The following DMD variants were observed in gnomAD, a reference collection of about 807,000 sequenced individuals.
DMD encodes dystrophin, also known as mutant dystrophin.
Under a neutral mutation model 330.1 loss-of-function variants are expected in DMD, and 63 were observed. That is an observed-to-expected ratio of 0.19 (90% CI 0.16 to 0.24). The LOEUF (loss-of-function observed/expected upper bound fraction) is 0.24, where lower values mean the gene tolerates loss of function less well. Ranked by LOEUF, DMD falls within the 10% of genes least tolerant of loss-of-function variation. The pLI is 1.00. For synonymous variants in DMD, 1,223 were observed against 959.8 expected (o/e 1.27, Z -5.07); for missense variants, 3,344 against 2,684.1 (o/e 1.25, Z -5.43).
At chrX:32,204,866 T>A (rs1477712035) in intron 44 of DMD, among the ~76,000 whole-genome samples, 3 of 107,208 alleles carry the variant, frequency 2.8e-5, no homozygotes, top group Non-Finnish European at 5.8e-5. Flanking sequence ...ACCAAAGGGA[T>A]CATTCATGAA....
At chrX:32,523,228 CA>C (rs1317383930) in intron 17 of DMD, among the ~76,000 whole-genome samples, 1 of 111,180 alleles carries the variant, frequency 9.0e-6, no homozygotes, top group Non-Finnish European at 1.9e-5. Context: ...TGGAAGGCCT[CA>C]AAAGCAGCCT....
At chrX:32,304,080 T>C (rs1409979903) in intron 42 of DMD, among the ~76,000 whole-genome samples, 1 of 111,632 alleles carries the variant, frequency 9.0e-6, no homozygotes, top group Non-Finnish European at 1.9e-5. Context: ...CAAAATATTC[T>C]TCATAGGATG....
At chrX:32,177,769 C>T (rs952447408) in intron 44 of DMD, among the ~76,000 whole-genome samples, 2 of 110,707 alleles carry the variant, frequency 1.8e-5, no homozygotes, top group Non-Finnish European at 3.8e-5. Context: ...AATAATAATA[C>T]TAATTACTGA....
chrX:31,584,513 G>A (rs770365227), intron 55 of DMD, among the ~76,000 whole-genome samples: 4 of 111,757 alleles, frequency 3.6e-5, no homozygotes, highest in Non-Finnish European at 3.8e-5. Flanking sequence ...ACATGCACAC[G>A]TATGTTCACT....
chrX:31,755,211 A>G (rs5927839), intron 51 of DMD, among the ~76,000 whole-genome samples: 14,931 of 111,121 alleles, frequency 0.13, 886 homozygotes, highest in East Asian at 0.25. Flanking sequence ...TTCACTTATG[A>G]GATTAGTGTT....
chrX:32,085,287 T>C (rs779584689), intron 44 of DMD, among the ~76,000 whole-genome samples: 3 of 110,509 alleles, frequency 2.7e-5, no homozygotes, highest in African/African-American at 9.8e-5. Context: ...TTTATTTTTA[T>C]TTAAATAATT....
chrX:31,899,313 C>T (rs1054047456), intron 47 of DMD, among the ~76,000 whole-genome samples: 2 of 103,059 alleles, frequency 1.9e-5, no homozygotes, highest in South Asian at 4.1e-4. Context: ...CTTCAACTGA[C>T]GATCTAGTCT....
intron 2 of DMD, among the ~76,000 whole-genome samples, chrX:32,853,678 A>C (rs1194719032): frequency 1.8e-5 from 2 of 109,430 alleles, no homozygotes. Flanking sequence ...GAAAGCCACA[A>C]AACAACCAGA....
chrX:31,784,137 G>A (rs1752094790), intron 50 of DMD, among the ~76,000 whole-genome samples: 1 of 112,009 alleles, frequency 8.9e-6, no homozygotes, highest in Non-Finnish European at 1.9e-5. Flanking sequence ...TAATTAATAA[G>A]GAATTCACCA....
intron 54 of DMD, among the ~76,000 whole-genome samples, chrX:31,633,393 C>T (rs1010663546): frequency 1.8e-5 from 2 of 111,834 alleles, no homozygotes. Flanking sequence ...ATTCTTATTT[C>T]CACATGCCTA....
intron 52 of DMD, among the ~76,000 whole-genome samples, chrX:31,728,148 A>C (rs756583299): frequency 9.0e-6 from 1 of 111,155 alleles, no homozygotes; most frequent in African/African-American, 3.3e-5. Flanking sequence ...TCAGCCTCCC[A>C]AGTAGCTGGG....
At chrX:32,501,647 A>G in intron 19 of DMD, 108 bp downstream of exon 19, 2 of 584,350 alleles carry the variant, frequency 3.4e-6, no homozygotes, top group Non-Finnish European at 5.7e-6. Flanking sequence ...CTTTTAATTT[A>G]AATTTGTATT....
rs756284528 is a variant in DMD at position 32,614,463 on chromosome X, T to G, written c.1332-10A>C. On this transcript the variant is annotated splice_polypyrimidine_tract_variant and intron_variant, in intron 11 of 78. Coordinates refer to ENST00000357033, the MANE Select transcript of DMD (RefSeq NM_004006.3). ...TAAAACTCTATGTAAACTGAAAATT[T>G]GAAAGAAGCCTATTATGACCTCTTT... The G allele has an allele frequency of 1.7e-6, 2 of 1,197,165 alleles. No homozygotes were observed. Among genetic ancestry groups the G allele is most frequent in the Admixed American group, 2.2e-5 (1 of 45,610 alleles).
chrX:32,515,113 A>T (rs2045729175), intron 18 of DMD, among the ~76,000 whole-genome samples: 1 of 111,763 alleles, frequency 8.9e-6, no homozygotes, highest in Admixed American at 9.5e-5. Flanking sequence ...GGGATGAGTC[A>T]TAGTGCTGTT....
chrX:32,807,900 C>G (rs770404029), intron 7 of DMD, among the ~76,000 whole-genome samples: 19 of 111,794 alleles, frequency 1.7e-4, no homozygotes, highest in African/African-American at 5.5e-4. Flanking sequence ...ACAAGAATAA[C>G]TAGAGCATAC....
intron 4 of DMD, among the ~76,000 whole-genome samples, chrX:32,842,241 C>A (rs1190395320): frequency 1.8e-5 from 2 of 112,321 alleles, no homozygotes; most frequent in Admixed American, 9.4e-5. Flanking sequence ...ACTGTCCACA[C>A]TGATTATGTC....
intron 7 of DMD, among the ~76,000 whole-genome samples, chrX:32,760,468 A>G (rs567839187): frequency 7.2e-5 from 8 of 111,868 alleles, no homozygotes; most frequent in African/African-American, 1.9e-4. Context: ...TGAAAATAGA[A>G]GAGAAATGGA....
At chrX:32,954,854 C>T (rs2091476905) in intron 2 of DMD, among the ~76,000 whole-genome samples, 1 of 111,502 alleles carries the variant, frequency 9.0e-6, no homozygotes, top group Non-Finnish European at 1.9e-5. Context: ...CATCCATGTT[C>T]CTGCAAAGTA....
intron 2 of DMD, among the ~76,000 whole-genome samples, chrX:32,979,446 G>A (rs765722536): frequency 1.8e-5 from 2 of 111,730 alleles, no homozygotes; most frequent in Non-Finnish European, 3.8e-5. Flanking sequence ...CAACCAAATT[G>A]GCACTTATAA....
Sources: allele counts gnomAD v4.1 joint callset (sites outside exome capture counted in the v4.1 genomes callset), GRCh38; gene constraint gnomAD v4.1.1; transcripts MANE v1.5; gene names NCBI Gene and HGNC (gene_info 2026-07-23, HGNC 2026-07-21).